PXDNL: variants seen among roughly 807,000 people sequenced by gnomAD.
PXDNL encodes the protein probable oxidoreductase PXDNL.
In PXDNL, 145 loss-of-function variants were observed where a neutral mutation model predicts 150.8. That is an observed-to-expected ratio of 0.96 (90% CI 0.84 to 1.10). The LOEUF is 1.10. Ranked by LOEUF, PXDNL falls within the 50% of genes least tolerant of loss-of-function variation. PXDNL has a pLI of 0.00. For synonymous variants in PXDNL, 757 were observed against 725.7 expected, an observed-to-expected ratio of 1.04 and a Z score of -0.69; for missense variants, 2,087 against 1,873.9, an observed-to-expected ratio of 1.11 and a Z score of -2.10.
At chr8:51,383,638 T>C (rs1807612161) in intron 17 of PXDNL, among the ~76,000 whole-genome samples, 1 of 152,216 alleles carries the variant, frequency 6.6e-6, no homozygotes, top group Non-Finnish European at 1.5e-5. Context: ...CTTTTAACCT[T>C]TTCCATGATT....
At chr8:51,607,343 A>T (rs1031984040) in intron 2 of PXDNL, among the ~76,000 whole-genome samples, 1 of 152,098 alleles carries the variant, frequency 6.6e-6, no homozygotes, top group African/African-American at 2.4e-5. Context: ...CTATGATCTC[A>T]TTTCTTTCTT....
chr8:51,377,609 G>A (rs1280407270), intron 17 of PXDNL, among the ~76,000 whole-genome samples: 1 of 152,246 alleles, frequency 6.6e-6, no homozygotes, highest in Admixed American at 6.5e-5. Context: ...CACACACTGA[G>A]AGCAGCTCGC....
intron 1 of PXDNL, among the ~76,000 whole-genome samples, chr8:51,664,802 A>C (rs900936560): frequency 6.6e-6 from 1 of 151,962 alleles, no homozygotes; most frequent in African/African-American, 2.4e-5. Flanking sequence ...GCCTGTCTGC[A>C]TGGCTGTCAC....
chr8:51,720,213 C>T lies in PXDNL; in HGVS notation c.165-65453G>A, dbSNP rs556523150. Among the ~76,000 whole-genome samples, 59 of 150,082 alleles carry T rather than the reference C, an allele frequency of 3.9e-4. 1 individual carries two copies. The South Asian group carries it at 0.012, about 30-fold the overall frequency. The stretch of plus-strand genomic sequence containing the variant: ...TCCTAAAAAAAAAAAAATCAGACTT[C>T]CTAAGTTTGGGGGAAGTTTTATACA... On this transcript the variant is annotated intron_variant, in intron 1 of 22. Transcript: ENST00000356297.
At chr8:51,622,134 GC>G (rs1256008562) in intron 2 of PXDNL, among the ~76,000 whole-genome samples, 4 of 152,142 alleles carry the variant, frequency 2.6e-5, no homozygotes, top group Non-Finnish European at 5.9e-5. Context: ...CTTCCAAGAT[GC>G]AGGGGCCACC....
intron 1 of PXDNL, among the ~76,000 whole-genome samples, chr8:51,704,076 T>TA (rs1243469509): frequency 6.6e-6 from 1 of 152,214 alleles, no homozygotes; most frequent in African/African-American, 2.4e-5. Flanking sequence ...AAGTCCCATG[T>TA]ATGTGCCCCT....
intron 3 of PXDNL, among the ~76,000 whole-genome samples, chr8:51,574,987 A>T (rs1420591692): frequency 6.6e-6 from 1 of 152,180 alleles, no homozygotes; most frequent in African/African-American, 2.4e-5. Flanking sequence ...TAGAGTAAAA[A>T]TCATGGATAA....
intron 19 of PXDNL, among the ~76,000 whole-genome samples, chr8:51,365,619 T>C (rs2130765638): frequency 6.6e-6 from 1 of 152,328 alleles, no homozygotes; most frequent in Middle Eastern, 3.4e-3. Flanking sequence ...CAGCCATCTG[T>C]AGAATGTCAA....
At chr8:51,559,970 TA>T (rs1812687230) in intron 3 of PXDNL, among the ~76,000 whole-genome samples, 1 of 151,974 alleles carries the variant, frequency 6.6e-6, no homozygotes, top group Non-Finnish European at 1.5e-5. Flanking sequence ...AATCTGATAC[TA>T]AATTTGATAG....
chr8:51,608,258 G>A (rs1231276029), intron 2 of PXDNL, among the ~76,000 whole-genome samples: 5 of 147,166 alleles, frequency 3.4e-5, no homozygotes. Context: ...GCGTGGTGGC[G>A]GGTGCCTGTA....
At chr8:51,546,307 T>C (rs2130502327) in intron 4 of PXDNL, among the ~76,000 whole-genome samples, 1 of 152,282 alleles carries the variant, frequency 6.6e-6, no homozygotes, top group African/African-American at 2.4e-5. Flanking sequence ...AGGAGCTGAG[T>C]CTATAGCCAT....
At chr8:51,371,480 A>G (rs1186692879) in intron 19 of PXDNL, among the ~76,000 whole-genome samples, 1 of 152,230 alleles carries the variant, frequency 6.6e-6, no homozygotes, top group East Asian at 1.9e-4. Flanking sequence ...CATCTTATGA[A>G]GAATGGATAG....
Position 51,371,364 on chromosome 8 carries a change from C to T in PXDNL, c.3901+509G>A, listed in dbSNP as rs146043971. On this transcript the variant is annotated intron_variant, in intron 19 of 22. Transcript: ENST00000356297. ...GAAGCACCTTAGGGAAAGTTTGGTT[C>T]GTAAACGGTGATGTTGTAGATATCA... Among the ~76,000 whole-genome samples, 795 of 152,276 alleles carry T rather than the reference C, an allele frequency of 5.2e-3. 7 individuals are homozygous for T. Among genetic ancestry groups the T allele is most frequent in the African/African-American group, 0.018 (760 of 41,558 alleles).
In PXDNL at chr8:51,445,407, C is replaced by T. The variant is rs564122985; in HGVS notation, c.1525+1597G>A. ...TTAGGGCTCTTTGTTCTCTAAAACA[C>T]TTGTTTGCTTCCATATTCATGCCAA... On this transcript the variant is annotated intron_variant, in intron 12 of 22. Coordinates refer to ENST00000356297, the MANE Select transcript of PXDNL (RefSeq NM_144651.5). Among the ~76,000 whole-genome samples the T allele has an allele frequency of 2.0e-5, 3 of 152,298 alleles. No individual in the cohort carries two copies. The South Asian group carries it at 6.2e-4, about 32-fold the overall frequency.
At chr8:51,324,873 A>G (rs1254094909) in intron 21 of PXDNL, among the ~76,000 whole-genome samples, 1 of 151,792 alleles carries the variant, frequency 6.6e-6, no homozygotes, top group East Asian at 1.9e-4. Flanking sequence ...AGCATTTTTT[A>G]TGACTGCTTT....
chr8:51,763,820 G>T (rs929526011), intron 1 of PXDNL, among the ~76,000 whole-genome samples: 1 of 152,196 alleles, frequency 6.6e-6, no homozygotes, highest in Admixed American at 6.5e-5. Flanking sequence ...GAATTAATAC[G>T]TACTACTTTT....
intron 1 of PXDNL, among the ~76,000 whole-genome samples, chr8:51,690,859 A>T (rs1815980672): frequency 6.6e-6 from 1 of 152,042 alleles, no homozygotes; most frequent in African/African-American, 2.4e-5. Context: ...AATGATCGCC[A>T]TTCTAACTGC....
At chr8:51,532,076 G>A (rs58215565) in intron 4 of PXDNL, among the ~76,000 whole-genome samples, 4,636 of 152,194 alleles carry the variant, frequency 0.03, 218 homozygotes, top group African/African-American at 0.11. Flanking sequence ...TGCGGGTCTG[G>A]TCTGTCTACG....
intron 3 of PXDNL, among the ~76,000 whole-genome samples, chr8:51,574,211 G>A (rs1465349878): frequency 6.6e-6 from 1 of 151,610 alleles, no homozygotes; most frequent in Non-Finnish European, 1.5e-5. Flanking sequence ...AAAACAAATA[G>A]GAAATATAAA....
Sources: gnomAD v4.1 joint callset for allele counts (sites outside exome capture counted in the v4.1 genomes callset) on GRCh38, gnomAD v4.1.1 for gene constraint, MANE v1.5 for transcripts, NCBI Gene and HGNC (gene_info 2026-07-23, HGNC 2026-07-21) for gene names.